WDR48: variants seen among roughly 807,000 people sequenced by gnomAD.
WDR48 encodes WD repeat-containing protein 48.
In WDR48, 22 loss-of-function variants were observed where a neutral mutation model predicts 94.0. That is an observed-to-expected ratio of 0.23 (90% CI 0.17 to 0.33). WDR48 has a LOEUF of 0.33. Among genes scored for constraint, WDR48 ranks in the 10% least tolerant of loss-of-function variants. The pLI is 1.00. For synonymous variants in WDR48, 278 were observed against 280.5 expected (o/e 0.99, Z 0.09); for missense variants, 541 against 813.8 (o/e 0.66, Z 4.08).
chr3:39,061,412 C>T (rs919262216), intron 1 of WDR48, among the ~76,000 whole-genome samples: 16 of 152,138 alleles, frequency 1.1e-4, no homozygotes, highest in African/African-American at 3.6e-4. Flanking sequence ...ATCCATGTCC[C>T]TGCAAAGGAC....
At chr3:39,080,913 CA>C (rs1559618824) in intron 11 of WDR48, among the ~76,000 whole-genome samples, 2 of 152,166 alleles carry the variant, frequency 1.3e-5, no homozygotes. Context: ...AAGGAAGTAA[CA>C]GGGGTGTAAG....
intron 17 of WDR48, among the ~76,000 whole-genome samples, chr3:39,092,998 G>A (rs1427805743): frequency 6.6e-6 from 1 of 152,004 alleles, no homozygotes; most frequent in East Asian, 1.9e-4. Context: ...TAGTTTTTTG[G>A]TATAATAGTT....
At chr3:39,094,161 G>A in intron 18 of WDR48, 95 bp downstream of exon 18, 1 of 1,501,692 alleles carries the variant, frequency 6.7e-7, no homozygotes, top group Non-Finnish European at 8.8e-7. Flanking sequence ...ACTTTTAGAG[G>A]GGCTCTAAGG....
In WDR48 at chr3:39,084,667, A is replaced by G; in HGVS notation, c.1304A>G (p.Glu435Gly). 6.2e-7 allele frequency: 1 copy of G among 1,613,908 alleles called. No homozygotes were observed. Among genetic ancestry groups the G allele is most frequent in the Non-Finnish European group, 8.5e-7 (1 of 1,179,920 alleles). Reference sequence around the variant, plus strand: ...TAGATGTTAACTATTACTTTGGATGAAAGTGATTGTTTTGCTGCCTGGGTT... The same window carrying G: ...TAGATGTTAACTATTACTTTGGATGGAAGTGATTGTTTTGCTGCCTGGGTT... The part of the protein sequence containing the change: ...KTGMLTITLD[E>G]SDCFAAWVSA... The change falls in exon 13 of 19, where the codon GAA (glutamate) becomes GGA (glycine). Residue 435 changes from glutamate to glycine, a missense_variant. Around this residue, in one of 5 missense-constraint regions of WDR48, gnomAD observed 238 missense variants for 285.3 expected, o/e 0.83. Coordinates refer to ENST00000302313, the MANE Select transcript of WDR48 (RefSeq NM_020839.4).
chr3:39,084,515 A>G (rs2034706348), intron 12 of WDR48, 130 bp from the exon 13 acceptor site: 1 of 769,506 alleles, frequency 1.3e-6, no homozygotes, highest in Middle Eastern at 3.0e-4. Context: ...ATTGAATCAC[A>G]CAAAACACAT....
At chr3:39,063,653 C>T (rs2033415930) in intron 2 of WDR48, among the ~76,000 whole-genome samples, 1 of 152,076 alleles carries the variant, frequency 6.6e-6, no homozygotes, top group Admixed American at 6.6e-5. Flanking sequence ...CTAGGTAATA[C>T]AAGGTTAGGC....
In WDR48 at chr3:39,095,595, AT is replaced by A. The variant is rs1326269263; in HGVS notation, c.*853del. 1 of 152,250 alleles carries A rather than the reference AT, an allele frequency of 6.6e-6. No individual in the cohort carries two copies. Among genetic ancestry groups the A allele is most frequent in the African/African-American group, 2.4e-5 (1 of 41,464 alleles). 9.4% of individuals were successfully genotyped at this position (152,250 alleles called of 1,614,324 possible). ...CATGACACCATCAAAATTTAAGACC[AT>A]GATGAAATTTCAGTTTCATTCAAAT... On this transcript the variant is annotated 3_prime_UTR_variant, in exon 19 of 19. Coordinates refer to ENST00000302313, the MANE Select transcript of WDR48 (RefSeq NM_020839.4).
chr3:39,071,032 A>G (rs13086823), intron 7 of WDR48, among the ~76,000 whole-genome samples: 16,111 of 152,142 alleles, frequency 0.11, 907 homozygotes, highest in Admixed American at 0.14. Context: ...TTATGGCTGC[A>G]TCGTATTCCA....
intron 3 of WDR48, 32 bp downstream of exon 3, chr3:39,065,921 C>CTGATATAT: frequency 6.6e-7 from 1 of 1,516,590 alleles, no homozygotes; most frequent in Non-Finnish European, 8.8e-7. Context: ...TATTGGGCTT[C>CTGATATAT]TGATATATTT....
Position 39,084,221 on chromosome 3 carries a change from G to T in WDR48, c.1240G>T (p.Val414Leu). ...TGAAATTAAGAAAAGATTTAAAATG[G>T]TGTATGTGCCAAATTGGTTCTCAGT... ...EDEIKKRFKMVYVPNWFSVDL... is the reference protein window; with the variant it reads ...EDEIKKRFKMLYVPNWFSVDL... Residue 414 changes from valine to leucine, a missense_variant, in exon 12 of 19, where the codon GTG becomes TTG. Val to Leu is a conservative substitution (Grantham distance 32). Coordinates refer to ENST00000302313, the MANE Select transcript of WDR48 (RefSeq NM_020839.4). 3 of 1,612,688 alleles carry T rather than the reference G, an allele frequency of 1.9e-6. No individual in the cohort carries two copies. Among genetic ancestry groups the T allele is most frequent in the Non-Finnish European group, 2.5e-6 (3 of 1,179,160 alleles).
At position 39,069,651 on chromosome 3, in the gene WDR48, G is replaced by A; in HGVS notation, c.579G>A (p.Arg193=). Reference sequence around the variant, plus strand: ...TCTATTAAAATTCACAGGTGTTACGGGTATGGGATCCAAGAACATGTGCAA... The same window carrying A: ...TCTATTAAAATTCACAGGTGTTACGAGTATGGGATCCAAGAACATGTGCAA... ...IVSGSTEKVL[R]VWDPRTCAKL... Residue 193 remains arginine (R), a synonymous_variant, in exon 7 of 19, where the codon CGG becomes CGA. Transcript: ENST00000302313. The A allele has an allele frequency of 1.2e-6, 2 of 1,612,152 alleles. No individual in the cohort carries two copies. Among genetic ancestry groups the A allele is most frequent in the Non-Finnish European group, 1.7e-6 (2 of 1,178,778 alleles).
chr3:39,073,258 T>C (rs191287047), intron 7 of WDR48, among the ~76,000 whole-genome samples: 73 of 152,332 alleles, frequency 4.8e-4, no homozygotes, highest in Non-Finnish European at 9.1e-4. Context: ...GCTTTAACTT[T>C]GCTCCTGACG....
intron 8 of WDR48, among the ~76,000 whole-genome samples, chr3:39,076,413 TG>T (rs1290451248): frequency 6.6e-6 from 1 of 152,216 alleles, no homozygotes; most frequent in Non-Finnish European, 1.5e-5. Context: ...TGCAGCTGCC[TG>T]GATCTCTTGC....
At chr3:39,071,115 C>T (rs1015725771) in intron 7 of WDR48, among the ~76,000 whole-genome samples, 3 of 152,122 alleles carry the variant, frequency 2.0e-5, no homozygotes, top group Non-Finnish European at 4.4e-5. Flanking sequence ...CAAGTATTTG[C>T]TATTGTGAAT....
intron 10 of WDR48, among the ~76,000 whole-genome samples, chr3:39,078,856 C>T (rs2125668677): frequency 6.6e-6 from 1 of 151,724 alleles, no homozygotes; most frequent in African/African-American, 2.4e-5. Flanking sequence ...CGGTGAAACC[C>T]CGTCTCTACT....
chr3:39,052,244 G>T, intron 1 of WDR48, 171 bp downstream of exon 1: 1 of 731,558 alleles, frequency 1.4e-6, no homozygotes, highest in South Asian at 2.0e-5. Context: ...TTGAGGAAGG[G>T]GCGGGGGTCG....
At position 39,088,101 on chromosome 3, in the gene WDR48, A is replaced by G. The variant is rs113080104; in HGVS notation, c.1475-27A>G. On this transcript the variant is annotated intron_variant, in intron 14 of 18. Transcript: ENST00000302313. Reference sequence around the variant, plus strand: ...CTGTATTTTTAGCACTAACTCTGATATTAACACCACCTGCATCTTTTCCTA... The same window carrying G: ...CTGTATTTTTAGCACTAACTCTGATGTTAACACCACCTGCATCTTTTCCTA... 1.2e-4 allele frequency: 200 copies of G among 1,609,370 alleles called. 1 individual carries two copies. The African/African-American group carries it at 2.5e-3, about 20-fold the overall frequency.
At chr3:39,067,136 ATG>A (rs2033656464) in intron 5 of WDR48, among the ~76,000 whole-genome samples, 1 of 152,154 alleles carries the variant, frequency 6.6e-6, no homozygotes, top group South Asian at 2.1e-4. Context: ...CCTAGCTAAA[ATG>A]TAAGTCCCTG....
chr3:39,053,988 T>C (rs1408248069), intron 1 of WDR48, among the ~76,000 whole-genome samples: 1 of 152,214 alleles, frequency 6.6e-6, no homozygotes, highest in Non-Finnish European at 1.5e-5. Flanking sequence ...CTTGAAATTA[T>C]TTCCTATGAA....
Sources: gnomAD v4.1 joint callset for allele counts (sites outside exome capture counted in the v4.1 genomes callset) on GRCh38, gnomAD v4.1.1 for gene constraint, gnomAD v4.1.1 regional missense constraint, MANE v1.5 for transcripts, NCBI Gene and HGNC (gene_info 2026-07-23, HGNC 2026-07-21) for gene names.